The following GRM7 variants were observed in gnomAD, a reference collection of about 807,000 sequenced individuals.
The protein encoded by GRM7 is glutamate metabotropic receptor 7, also known as metabotropic glutamate receptor 7.
In GRM7, 35 loss-of-function variants were observed where a neutral mutation model predicts 84.5. The observed-to-expected ratio is 0.41, with a 90% CI of 0.32 to 0.55. GRM7 has a LOEUF of 0.55. Among genes scored for constraint, GRM7 ranks in the 20% least tolerant of loss-of-function variants. The pLI is 0.19. For synonymous variants in GRM7, 487 were observed against 455.1 expected (o/e 1.07, Z -0.89); for missense variants, 1,003 against 1,194.6 (o/e 0.84, Z 2.36).
At chr3:7,449,800 C>A (rs1697691852) in intron 5 of GRM7, among the ~76,000 whole-genome samples, 1 of 152,086 alleles carries the variant, frequency 6.6e-6, no homozygotes, top group East Asian at 1.9e-4. Context: ...CATTGCATAA[C>A]AAAATACGTT....
In GRM7 at chr3:7,146,627, A is replaced by G. The variant is rs778834137; in HGVS notation, c.695A>G (p.Glu232Gly). 8.7e-6 allele frequency: 14 copies of G among 1,613,892 alleles called. No homozygotes were observed. The highest frequency in any genetic ancestry group is 2.2e-5 in the South Asian group (2 of 91,078). ...CTCGCATCGGAAGGAAGTTATGGAGAGAAAGGTGTGGAGTCCTTCACGCAG... is the reference window on the plus strand; with the variant it reads ...CTCGCATCGGAAGGAAGTTATGGAGGGAAAGGTGTGGAGTCCTTCACGCAG... ...STLASEGSYGEKGVESFTQIS... is the reference protein window; with the variant it reads ...STLASEGSYGGKGVESFTQIS... Residue 232 changes from glutamate (E) to glycine (G), a missense_variant, in exon 2 of 10, where the codon GAG (glutamate) becomes GGG (glycine). Physicochemically the swap from Glu to Gly is moderately conservative, Grantham distance 98. Around this residue, in one of 2 missense-constraint regions of GRM7, gnomAD observed 910 missense variants for 1,126.0 expected, o/e 0.81. Coordinates refer to ENST00000357716, the MANE Select transcript of GRM7 (RefSeq NM_000844.4).
chr3:7,595,313 T>A lies in GRM7; in HGVS notation c.2451+15956T>A, dbSNP rs547111502. 2.0e-5 allele frequency among the ~76,000 whole-genome samples: 3 copies of A among 152,244 alleles called. No homozygotes were observed. The East Asian group carries it at 5.8e-4, about 29-fold the overall frequency. On this transcript the variant is annotated intron_variant, in intron 8 of 9. Transcript: ENST00000357716. ...GGTTGGTAGTCATGAAAGGCTTCAG[T>A]GAGGAGGTAATACATGAGCTGAAGT... is the stretch of plus-strand genomic sequence containing the variant.
At chr3:7,490,321 A>T (rs1208738942) in intron 7 of GRM7, among the ~76,000 whole-genome samples, 1 of 152,194 alleles carries the variant, frequency 6.6e-6, no homozygotes, top group Admixed American at 6.6e-5. Flanking sequence ...AGGGCAAAAT[A>T]TGAGCTACAC....
At chr3:6,981,606 C>T (rs1232042243) in intron 1 of GRM7, among the ~76,000 whole-genome samples, 1 of 152,142 alleles carries the variant, frequency 6.6e-6, no homozygotes, top group Non-Finnish European at 1.5e-5. Flanking sequence ...AAGCTCTGGC[C>T]ACAGGATCAT....
intron 1 of GRM7, among the ~76,000 whole-genome samples, chr3:7,005,166 G>A (rs338092): frequency 0.91 from 138,726 of 152,172 alleles, 64,447 homozygotes; most frequent in Non-Finnish European, 0.99. Context: ...GATACTGGAT[G>A]CTGGTCATCA....
intron 5 of GRM7, among the ~76,000 whole-genome samples, chr3:7,440,779 A>C (rs971843086): frequency 1.3e-4 from 20 of 152,128 alleles, no homozygotes; most frequent in African/African-American, 4.8e-4. Flanking sequence ...GTGTGCTTAG[A>C]ATAGTGGCCT....
At chr3:7,559,996 T>G (rs1318606548) in intron 7 of GRM7, among the ~76,000 whole-genome samples, 1 of 151,978 alleles carries the variant, frequency 6.6e-6, no homozygotes, top group Non-Finnish European at 1.5e-5. Context: ...CTTACTCAGC[T>G]CCTTAAAGGC....
intron 8 of GRM7, among the ~76,000 whole-genome samples, chr3:7,591,121 A>G (rs1480338650): frequency 6.6e-6 from 1 of 152,218 alleles, no homozygotes; most frequent in Non-Finnish European, 1.5e-5. Flanking sequence ...GAAAATAAGA[A>G]AGTAGGTTTA....
chr3:7,568,699 C>T (rs768711692), intron 7 of GRM7, among the ~76,000 whole-genome samples: 26 of 152,248 alleles, frequency 1.7e-4, no homozygotes, highest in African/African-American at 2.9e-4. Flanking sequence ...AGCAGCGGGC[C>T]GGCCCTGCCG....
chr3:7,237,805 C>T (rs541054116), intron 2 of GRM7, among the ~76,000 whole-genome samples: 2 of 152,304 alleles, frequency 1.3e-5, no homozygotes, highest in South Asian at 4.1e-4. Context: ...TACACACATC[C>T]TGCTGATTGG....
intron 4 of GRM7, 76 bp from the exon 5 acceptor site, chr3:7,414,947 A>T (rs1696099222): frequency 8.0e-7 from 1 of 1,254,100 alleles, no homozygotes; most frequent in East Asian, 2.5e-5. Context: ...AGAAAAAAAA[A>T]GTCACTTTTA....
intron 4 of GRM7, among the ~76,000 whole-genome samples, chr3:7,410,479 G>A (rs967909925): frequency 6.6e-6 from 1 of 151,916 alleles, no homozygotes; most frequent in Non-Finnish European, 1.5e-5. Flanking sequence ...AGGCTGAGGT[G>A]GGAGGATCAC....
At chr3:7,343,858 G>A (rs747614512) in intron 4 of GRM7, among the ~76,000 whole-genome samples, 3 of 151,976 alleles carry the variant, frequency 2.0e-5, no homozygotes, top group Admixed American at 2.0e-4. Flanking sequence ...CAGTTGCCAC[G>A]ATATTCCTTC....
rs140224490 is a variant in GRM7, at chr3:7,498,428, C to T, written c.1515+36706C>T. Among the ~76,000 whole-genome samples, 468 of 152,304 alleles carry T rather than the reference C, an allele frequency of 3.1e-3. 8 individuals carry two copies. Among genetic ancestry groups the T allele is most frequent in the Admixed American group, 0.027 (419 of 15,300 alleles). On this transcript the variant is annotated intron_variant, in intron 7 of 9. Transcript: ENST00000357716. ...TACAAGTAGACTGGACCCTCATTCA[C>T]GACTGTCCTTGAGAAGCATGAACAT...
intron 4 of GRM7, among the ~76,000 whole-genome samples, chr3:7,368,503 AT>A (rs1694002932): frequency 6.6e-6 from 1 of 152,080 alleles, no homozygotes; most frequent in Non-Finnish European, 1.5e-5. Flanking sequence ...ATTTTTTTCT[AT>A]TGAAAATGTA....
chr3:7,446,423 G>A (rs1697509190), intron 5 of GRM7, among the ~76,000 whole-genome samples: 1 of 148,926 alleles, frequency 6.7e-6, no homozygotes, highest in African/African-American at 2.5e-5. Context: ...TTTGAAACAC[G>A]ATTTTGTTGT....
At chr3:7,696,234 A>G in intron 9 of GRM7, among the ~76,000 whole-genome samples, 1 of 152,186 alleles carries the variant, frequency 6.6e-6, no homozygotes, top group Non-Finnish European at 1.5e-5. Context: ...TACATTGTAG[A>G]GTGTACGACA....
At position 6,862,275 on chromosome 3, in the gene GRM7, G is replaced by A. The variant is rs1009783878; in HGVS notation, c.519+368G>A. On this transcript the variant is annotated intron_variant, in intron 1 of 9. Coordinates refer to ENST00000357716, the MANE Select transcript of GRM7 (RefSeq NM_000844.4). This position sits in a 1 kb window ranked among gnomAD's most constrained non-coding sequence, Gnocchi z 5.2. ...TCCTAGGAGAGCTGGTTAGGAGAATGGAATAGGAAAGATGAGACGATGCCT... is the reference window on the plus strand; with the variant it reads ...TCCTAGGAGAGCTGGTTAGGAGAATAGAATAGGAAAGATGAGACGATGCCT... 6.6e-6 allele frequency among the ~76,000 whole-genome samples: 1 copy of A among 152,088 alleles called. No individual in the cohort carries two copies. Among genetic ancestry groups the A allele is most frequent in the African/African-American group, 2.4e-5 (1 of 41,422 alleles).
At chr3:7,259,343 T>C (rs926338428) in intron 2 of GRM7, among the ~76,000 whole-genome samples, 4 of 152,208 alleles carry the variant, frequency 2.6e-5, no homozygotes, top group Non-Finnish European at 5.9e-5. Flanking sequence ...GGTAAATTCA[T>C]GTCATGGGAG....
Sources: allele counts gnomAD v4.1 joint callset (sites outside exome capture counted in the v4.1 genomes callset), GRCh38; gene constraint gnomAD v4.1.1; regional missense constraint gnomAD v4.1.1; non-coding constraint Gnocchi (gnomAD v3.1); transcripts MANE v1.5; gene names NCBI Gene and HGNC (gene_info 2026-07-23, HGNC 2026-07-21).